XRCC5: variants seen among roughly 807,000 people sequenced by gnomAD.
XRCC5 encodes X-ray repair cross complementing 5.
A neutral mutation model predicts 95.7 loss-of-function variants in XRCC5; 12 were observed. That is an observed-to-expected ratio of 0.13 (90% confidence interval 0.08 to 0.20). XRCC5 has a LOEUF of 0.20. Ranked by LOEUF, XRCC5 falls within the 10% of genes least tolerant of loss-of-function variation. The pLI, the probability that XRCC5 is intolerant of heterozygous loss-of-function variation, is 1.00. For missense variants in XRCC5, 595 were observed against 873.9 expected (o/e 0.68, Z 4.02); for synonymous variants, 281 against 290.3 (o/e 0.97, Z 0.33).
chr2:216,131,314 G>A (rs1431938454), intron 9 of XRCC5: 1 of 964,862 alleles, frequency 1.0e-6, no homozygotes, highest in African/African-American at 1.8e-5. Flanking sequence ...CTGGTATTAT[G>A]GTGAAAGTGC....
chr2:216,109,609 G>A, intron 1 of XRCC5, 152 bp downstream of exon 1: 1 of 1,215,348 alleles, frequency 8.2e-7, no homozygotes, highest in Non-Finnish European at 1.1e-6. Flanking sequence ...CGGGACCGAG[G>A]GATGCGCTAT....
At position 216,160,244 on chromosome 2, in the gene XRCC5, G is replaced by A. The variant is rs913610422; in HGVS notation, c.1764+83G>A. 1.0e-4 allele frequency: 87 copies of A among 872,362 alleles called. 1 individual carries two copies. The highest frequency in any genetic ancestry group is 2.0e-4 in the Admixed American group (7 of 35,420). The allele number at this position is 872,362 out of a possible 1,614,324, so 54.0% of individuals were successfully genotyped here. A position where few individuals can be genotyped will look rare whatever the true frequency, so the allele number is the denominator to read the frequency against. On this transcript the variant is annotated intron_variant, in intron 15 of 20. Coordinates refer to ENST00000392132, the MANE Select transcript of XRCC5 (RefSeq NM_021141.4). Reference sequence around the variant, plus strand: ...AGAGTGCATCAATTTTTGTTAGTCCGTTCTTACCACTTTCAAGTTAAGATC... The same window carrying A: ...AGAGTGCATCAATTTTTGTTAGTCCATTCTTACCACTTTCAAGTTAAGATC...
intron 19 of XRCC5, among the ~76,000 whole-genome samples, chr2:216,198,462 T>C (rs1160608829): frequency 2.0e-5 from 3 of 152,238 alleles, no homozygotes; most frequent in Non-Finnish European, 4.4e-5. Context: ...CTTTTGTGTC[T>C]GCTTTAATAT....
At chr2:216,203,672 C>T (rs1320255812) in intron 19 of XRCC5, among the ~76,000 whole-genome samples, 3 of 152,202 alleles carry the variant, frequency 2.0e-5, no homozygotes, top group African/African-American at 7.2e-5. Flanking sequence ...ATGGTTTTCT[C>T]ATCCATTTCT....
intron 18 of XRCC5, 53 bp downstream of exon 18, chr2:216,192,788 T>A: frequency 1.7e-6 from 2 of 1,203,502 alleles, no homozygotes; most frequent in East Asian, 2.7e-5. Flanking sequence ...ATACTTATGC[T>A]ATTTTATTCT....
At chr2:216,146,993 A>C (rs542362410) in intron 13 of XRCC5, among the ~76,000 whole-genome samples, 4 of 152,282 alleles carry the variant, frequency 2.6e-5, no homozygotes, top group African/African-American at 9.6e-5. Flanking sequence ...TTAGATAATA[A>C]ACAAGTAAAC....
chr2:216,184,184 G>A (rs912365325), intron 16 of XRCC5, among the ~76,000 whole-genome samples: 1 of 152,056 alleles, frequency 6.6e-6, no homozygotes, highest in Non-Finnish European at 1.5e-5. Context: ...GTTGCATCCA[G>A]TACCTGTTGT....
At chr2:216,113,712 C>G (rs865852140) in intron 2 of XRCC5, among the ~76,000 whole-genome samples, 3 of 152,190 alleles carry the variant, frequency 2.0e-5, no homozygotes, top group Admixed American at 2.0e-4. Flanking sequence ...ACTCACATGG[C>G]TGGAAGACGA....
chr2:216,135,985 T>G (rs1049955360), intron 10 of XRCC5, among the ~76,000 whole-genome samples: 13 of 152,138 alleles, frequency 8.5e-5, no homozygotes, highest in Admixed American at 6.6e-4. Context: ...CTGAACAGTT[T>G]GAGATAACTG....
At chr2:216,187,815 ACACACACTCTCTCTCTCTCTCT>A (rs750265661) in intron 16 of XRCC5, among the ~76,000 whole-genome samples, 1 of 90,300 alleles carries the variant, frequency 1.1e-5, no homozygotes, top group Non-Finnish European at 2.0e-5. Flanking sequence ...ACACACACAC[ACACACACTCTCTCTCTCTCTCT>A]CTCTCTCTCT....
intron 16 of XRCC5, among the ~76,000 whole-genome samples, chr2:216,163,165 C>T (rs1010531440): frequency 3.3e-5 from 5 of 151,140 alleles, no homozygotes; most frequent in African/African-American, 9.7e-5. Flanking sequence ...GACAGGGTCT[C>T]GCTGTGTCAC....
intron 6 of XRCC5, among the ~76,000 whole-genome samples, chr2:216,122,598 C>T (rs1201436473): frequency 6.7e-6 from 1 of 150,154 alleles, no homozygotes; most frequent in Non-Finnish European, 1.5e-5. Flanking sequence ...TTTTTTTTTA[C>T]ACATCTACAA....
chr2:216,192,910 C>T (rs992303082), intron 18 of XRCC5, among the ~76,000 whole-genome samples, 175 bp downstream of exon 18: 2 of 152,154 alleles, frequency 1.3e-5, no homozygotes, highest in African/African-American at 2.4e-5. Flanking sequence ...TGAACTCAAA[C>T]TCTCCCTTAA....
In XRCC5 at chr2:216,109,369, G is replaced by C; in HGVS notation, c.-68G>C. On this transcript the variant is annotated 5_prime_UTR_variant, in exon 1 of 21. Coordinates refer to ENST00000392132, the MANE Select transcript of XRCC5 (RefSeq NM_021141.4). ...TTCCGCTATCTGCCGCTTGTCCACC[G>C]GAAGCGAGTTGCGACACGGCAGGTT... is the stretch of plus-strand genomic sequence containing the variant. 6.2e-7 allele frequency: 1 copy of C among 1,611,154 alleles called. No individual in the cohort carries two copies. The highest frequency in any genetic ancestry group is 2.2e-5 in the East Asian group (1 of 44,712).
chr2:216,204,043 A>G (rs1689894846), intron 19 of XRCC5: 1 of 429,776 alleles, frequency 2.3e-6, no homozygotes, highest in South Asian at 2.3e-5. Context: ...TATACAGGAC[A>G]CTACACACTG....
intron 16 of XRCC5, among the ~76,000 whole-genome samples, chr2:216,176,279 C>T (rs1156820408): frequency 3.9e-5 from 6 of 152,038 alleles, no homozygotes; most frequent in African/African-American, 1.4e-4. Flanking sequence ...CCACCACACC[C>T]GGCAAACTTT....
At chr2:216,196,879 C>G (rs1689731961) in intron 19 of XRCC5, among the ~76,000 whole-genome samples, 1 of 152,170 alleles carries the variant, frequency 6.6e-6, no homozygotes, top group Non-Finnish European at 1.5e-5. Flanking sequence ...ACATAATATT[C>G]ATTGTCACAT....
At chr2:216,115,240 A>C (rs1358156448) in intron 2 of XRCC5, among the ~76,000 whole-genome samples, 1 of 152,152 alleles carries the variant, frequency 6.6e-6, no homozygotes, top group Non-Finnish European at 1.5e-5. Context: ...GTTTCTCTGG[A>C]TAACTGCCGA....
chr2:216,133,985 C>T (rs1469517376), intron 10 of XRCC5, among the ~76,000 whole-genome samples: 1 of 152,184 alleles, frequency 6.6e-6, no homozygotes, highest in Non-Finnish European at 1.5e-5. Flanking sequence ...TGCTTCGTAT[C>T]AGAGGGGTGA....
Sources: gnomAD v4.1 joint callset for allele counts (sites outside exome capture counted in the v4.1 genomes callset) on GRCh38, gnomAD v4.1.1 for gene constraint, MANE v1.5 for transcripts, NCBI Gene and HGNC (gene_info 2026-07-23, HGNC 2026-07-21) for gene names.